Variants in REV1 observed in about 807,000 individuals in gnomAD.
The protein encoded by REV1 is REV1 DNA directed polymerase, also known as translesion synthesis protein REV1.
A neutral mutation model predicts 137.4 loss-of-function variants in REV1; 42 were observed. That is an observed-to-expected ratio of 0.31 (90% CI 0.24 to 0.40). The LOEUF (loss-of-function observed/expected upper bound fraction) is 0.40, where lower values mean the gene tolerates loss of function less well. Ranked by LOEUF, REV1 falls within the 10% of genes least tolerant of loss-of-function variation. The pLI is 1.00. For missense variants in REV1, 1,282 were observed against 1,490.1 expected (o/e 0.86, Z 2.30); for synonymous variants, 524 against 519.2 (o/e 1.01, Z -0.12).
At chr2:99,403,643 A>T in intron 19 of REV1, 52 bp downstream of exon 19, 3 of 1,612,360 alleles carry the variant, frequency 1.9e-6, no homozygotes, top group Non-Finnish European at 2.5e-6. Flanking sequence ...GACAACAGTG[A>T]CTCCATTACT....
At chr2:99,428,845 A>G (rs1423991819) in intron 9 of REV1, among the ~76,000 whole-genome samples, 1 of 152,104 alleles carries the variant, frequency 6.6e-6, no homozygotes, top group Non-Finnish European at 1.5e-5. Context: ...CAAAAAAATT[A>G]GCCGGGTGTG....
At chr2:99,480,304 T>C (rs1188999037) in intron 1 of REV1, among the ~76,000 whole-genome samples, 2 of 152,162 alleles carry the variant, frequency 1.3e-5, no homozygotes, top group East Asian at 1.9e-4. Context: ...GCCTAGACTA[T>C]AGAGCAAGAC....
At chr2:99,489,666 C>CGGGCCG (rs1261676691) in intron 1 of REV1, among the ~76,000 whole-genome samples, 151 bp downstream of exon 1, 11 of 149,414 alleles carry the variant, frequency 7.4e-5, no homozygotes, top group African/African-American at 1.9e-4. Flanking sequence ...AGGACGGCCG[C>CGGGCCG]GGGCCGGGGC....
chr2:99,483,132 G>C (rs866681416), intron 1 of REV1, among the ~76,000 whole-genome samples: 12 of 151,202 alleles, frequency 7.9e-5, no homozygotes, highest in African/African-American at 2.2e-4. Flanking sequence ...AAAAAAAAAG[G>C]CTTAAAATAA....
chr2:99,436,838 G>A (rs1680815478), intron 6 of REV1: 1 of 151,986 alleles, frequency 6.6e-6, no homozygotes, highest in South Asian at 2.1e-4. Context: ...TCTCATAAAG[G>A]AGTTTTTCTC....
At chr2:99,469,257 CT>C (rs1685143470) in intron 1 of REV1, among the ~76,000 whole-genome samples, 2 of 152,080 alleles carry the variant, frequency 1.3e-5, no homozygotes, top group Admixed American at 1.3e-4. Context: ...CAAGATTGTT[CT>C]TGAAGAAAAA....
intron 3 of REV1, among the ~76,000 whole-genome samples, chr2:99,458,118 A>C (rs373493694): frequency 2.6e-4 from 40 of 152,322 alleles, no homozygotes; most frequent in African/African-American, 9.4e-4. Flanking sequence ...ATCAAAATTA[A>C]AAACGTTCTG....
intron 4 of REV1, among the ~76,000 whole-genome samples, chr2:99,447,579 T>C (rs1386674263): frequency 6.6e-6 from 1 of 152,228 alleles, no homozygotes; most frequent in East Asian, 1.9e-4. Flanking sequence ...GCTTCTTATA[T>C]ATTACACCTC....
chr2:99,477,163 C>T (rs968588346), intron 1 of REV1, among the ~76,000 whole-genome samples: 1 of 152,148 alleles, frequency 6.6e-6, no homozygotes, highest in African/African-American at 2.4e-5. Context: ...ACACCTCTCC[C>T]GCCCCTCTTA....
chr2:99,452,635 G>A (rs1683060790), intron 3 of REV1, among the ~76,000 whole-genome samples: 1 of 152,080 alleles, frequency 6.6e-6, no homozygotes, highest in African/African-American at 2.4e-5. Flanking sequence ...TGGAACATAT[G>A]CTCTTTGAAG....
intron 8 of REV1, among the ~76,000 whole-genome samples, chr2:99,430,746 T>C (rs1575076437): frequency 1.3e-5 from 2 of 152,194 alleles, no homozygotes; most frequent in African/African-American, 4.8e-5. Flanking sequence ...CATGCCACTT[T>C]ACTTCCTTTG....
intron 2 of REV1, 135 bp from the exon 3 acceptor site, chr2:99,462,757 TCATAAA>T (rs1684369321): frequency 3.4e-6 from 3 of 883,258 alleles, no homozygotes; most frequent in Non-Finnish European, 5.2e-6. Context: ...AATGATGACC[TCATAAA>T]CATAAACCAT....
chr2:99,429,709 GATT>G, intron 9 of REV1, 128 bp downstream of exon 9: 1 of 518,924 alleles, frequency 1.9e-6, no homozygotes, highest in Non-Finnish European at 3.1e-6. Flanking sequence ...TAGATGAGAT[GATT>G]AAGGCTAAAA....
chr2:99,422,541 A>T (rs1678820690), intron 10 of REV1, among the ~76,000 whole-genome samples: 1 of 152,226 alleles, frequency 6.6e-6, no homozygotes, highest in Admixed American at 6.5e-5. Flanking sequence ...TATTAAAGAA[A>T]TAAGTATGTT....
chr2:99,442,436 T>C lies in REV1; in HGVS notation c.384A>G (p.Pro128=), dbSNP rs775909470. Residue 128 remains proline, a synonymous_variant, in exon 5 of 23, where the codon CCA becomes CCG. Transcript: ENST00000258428. ...TGGACTGCTTGGTGTACAGCTGATATGGAATGTAGGAGAGGAGTCGTCCAG... is the reference window on the plus strand; with the variant it reads ...TGGACTGCTTGGTGTACAGCTGATACGGAATGTAGGAGAGGAGTCGTCCAG... ...IKAGRLLSYI[P]YQLYTKQSSV... is the part of the protein sequence containing the mutation. 20 of 1,613,794 alleles carry C rather than the reference T, an allele frequency of 1.2e-5. No individual in the cohort carries two copies. The highest frequency in any genetic ancestry group is 3.3e-5 in the South Asian group (3 of 91,084).
intron 1 of REV1, among the ~76,000 whole-genome samples, chr2:99,487,135 T>A (rs1478044132): frequency 6.6e-6 from 1 of 152,188 alleles, no homozygotes; most frequent in Non-Finnish European, 1.5e-5. Context: ...TATAACATCC[T>A]AAGGAAGAAA....
intron 17 of REV1, chr2:99,405,571 C>A (rs1026276712): frequency 5.4e-6 from 1 of 186,742 alleles, no homozygotes. Context: ...GACATAAGGC[C>A]TCTACTTCAC....
At chr2:99,455,293 T>C (rs992000425) in intron 3 of REV1, among the ~76,000 whole-genome samples, 1 of 152,202 alleles carries the variant, frequency 6.6e-6, no homozygotes, top group Non-Finnish European at 1.5e-5. Flanking sequence ...AGATAACTTA[T>C]TGATGAGGCA....
intron 9 of REV1, among the ~76,000 whole-genome samples, chr2:99,429,516 A>T (rs1679840566): frequency 6.6e-6 from 1 of 152,230 alleles, no homozygotes. Context: ...GAGGGAATAA[A>T]TATTAAAGTC....
Sources: gnomAD v4.1 joint callset for allele counts (sites outside exome capture counted in the v4.1 genomes callset) on GRCh38, gnomAD v4.1.1 for gene constraint, MANE v1.5 for transcripts, NCBI Gene and HGNC (gene_info 2026-07-23, HGNC 2026-07-21) for gene names.